CSMD3: variants seen among roughly 807,000 people sequenced by gnomAD.
CSMD3 encodes CUB and sushi domain-containing protein 3.
A neutral mutation model predicts 435.2 loss-of-function variants in CSMD3; 177 were observed. That is an observed-to-expected ratio of 0.41 (90% confidence interval 0.36 to 0.46). CSMD3 has a LOEUF of 0.46. Ranked by LOEUF, CSMD3 falls within the 20% of genes least tolerant of loss-of-function variation. The pLI is 0.34. For synonymous variants in CSMD3, 1,656 were observed against 1,520.5 expected (o/e 1.09, Z -2.07); for missense variants, 4,265 against 4,504.6 (o/e 0.95, Z 1.52).
chr8:112,444,377 G>A (rs1815367113), intron 32 of CSMD3, among the ~76,000 whole-genome samples: 1 of 152,160 alleles, frequency 6.6e-6, no homozygotes, highest in Non-Finnish European at 1.5e-5. Context: ...GAGAAATAAA[G>A]AGAAATGACA....
At chr8:112,492,139 G>C (rs1056912433) in intron 31 of CSMD3, among the ~76,000 whole-genome samples, 1 of 152,086 alleles carries the variant, frequency 6.6e-6, no homozygotes, top group Non-Finnish European at 1.5e-5. Flanking sequence ...GTTAGTTTCA[G>C]TGTGTTTGTT....
At chr8:112,434,299 T>A (rs928007294) in intron 32 of CSMD3, among the ~76,000 whole-genome samples, 1 of 152,166 alleles carries the variant, frequency 6.6e-6, no homozygotes, top group African/African-American at 2.4e-5. Flanking sequence ...AAGTTCATAA[T>A]CACATTTGTT....
At chr8:112,706,017 GAC>G (rs1478407366) in intron 13 of CSMD3, among the ~76,000 whole-genome samples, 1 of 151,984 alleles carries the variant, frequency 6.6e-6, no homozygotes, top group Non-Finnish European at 1.5e-5. Context: ...CTCAGTTTGG[GAC>G]TAGGTACTGT....
intron 22 of CSMD3, among the ~76,000 whole-genome samples, chr8:112,608,520 G>T (rs1385445269): frequency 1.3e-5 from 2 of 151,754 alleles, no homozygotes; most frequent in Non-Finnish European, 2.9e-5. Flanking sequence ...ATACTTCCTG[G>T]TTTCAAATTA....
chr8:112,996,008 A>G (rs565431854), intron 6 of CSMD3, among the ~76,000 whole-genome samples: 27 of 151,578 alleles, frequency 1.8e-4, no homozygotes, highest in African/African-American at 6.5e-4. Flanking sequence ...TTATATATTT[A>G]CTGTGTATAA....
At chr8:113,005,049 G>C (rs2131091727) in intron 6 of CSMD3, among the ~76,000 whole-genome samples, 1 of 151,754 alleles carries the variant, frequency 6.6e-6, no homozygotes, top group East Asian at 1.9e-4. Context: ...ATATATATGT[G>C]TCTGTATATA....
At chr8:112,712,389 C>CGT (rs1324218632) in intron 13 of CSMD3, among the ~76,000 whole-genome samples, 1 of 151,904 alleles carries the variant, frequency 6.6e-6, no homozygotes, top group Non-Finnish European at 1.5e-5. Context: ...ATCTTTTTAC[C>CGT]GTGTAAGTGG....
At chr8:113,406,643 G>C (rs780272576) in intron 1 of CSMD3, among the ~76,000 whole-genome samples, 1 of 151,956 alleles carries the variant, frequency 6.6e-6, no homozygotes, top group East Asian at 1.9e-4. Context: ...TAAAATGAGG[G>C]TGTGCAGAGA....
At chr8:113,215,307 T>C (rs536006317) in intron 3 of CSMD3, among the ~76,000 whole-genome samples, 1 of 151,992 alleles carries the variant, frequency 6.6e-6, no homozygotes, top group Non-Finnish European at 1.5e-5. Flanking sequence ...TTCTACTTAC[T>C]ACTTTCTTGT....
At chr8:112,290,704 A>C in intron 56 of CSMD3, among the ~76,000 whole-genome samples, 1 of 151,984 alleles carries the variant, frequency 6.6e-6, no homozygotes, top group South Asian at 2.1e-4. Flanking sequence ...AAAACCAAAA[A>C]TTATTTGCCA....
At chr8:112,997,359 A>ATTACT (rs1406961163) in intron 6 of CSMD3, among the ~76,000 whole-genome samples, 1 of 151,696 alleles carries the variant, frequency 6.6e-6, no homozygotes, top group Non-Finnish European at 1.5e-5. Context: ...TTTTAAAGTA[A>ATTACT]TTACTCATCT....
chr8:112,370,005 G>A lies in CSMD3; in HGVS notation c.6136+10347C>T, dbSNP rs796809110. 6.4e-3 allele frequency among the ~76,000 whole-genome samples: 408 copies of A among 63,980 alleles called. 8 individuals are homozygous for A. The highest frequency in any genetic ancestry group is 0.025 in the African/African-American group (365 of 14,484). The allele number at this position is 63,980 out of a possible 152,430, so 42.0% of individuals were successfully genotyped here. Reference sequence around the variant, plus strand: ...AGAAAGAGGAAGAGGAAGAAGAAGAGGAAGAGGAAGAAGAAGAGGAAGAAG... The same window carrying A: ...AGAAAGAGGAAGAGGAAGAAGAAGAAGAAGAGGAAGAAGAAGAGGAAGAAG... On this transcript the variant is annotated intron_variant, in intron 38 of 70. Coordinates refer to ENST00000297405, the MANE Select transcript of CSMD3 (RefSeq NM_198123.2).
At chr8:113,017,644 T>C (rs1274146876) in intron 6 of CSMD3, among the ~76,000 whole-genome samples, 3 of 151,868 alleles carry the variant, frequency 2.0e-5, no homozygotes, top group African/African-American at 7.2e-5. Flanking sequence ...AGCCACAGAG[T>C]TAGGTGGATG....
intron 9 of CSMD3, among the ~76,000 whole-genome samples, chr8:112,933,455 A>G (rs1453124006): frequency 1.3e-5 from 2 of 152,160 alleles, no homozygotes; most frequent in African/African-American, 2.4e-5. Context: ...ACATGGTCTT[A>G]TATTTGCTGT....
intron 1 of CSMD3, among the ~76,000 whole-genome samples, chr8:113,395,754 G>A (rs1219780584): frequency 6.6e-6 from 1 of 152,064 alleles, no homozygotes; most frequent in African/African-American, 2.4e-5. Context: ...TCTAATTACA[G>A]AGCCTTCTGC....
Position 112,296,010 on chromosome 8 carries a change from A to C in CSMD3, c.8441-4T>G, listed in dbSNP as rs1389786995. 6.2e-7 allele frequency: 1 copy of C among 1,607,762 alleles called. No homozygotes were observed. The highest frequency in any genetic ancestry group is 1.7e-5 in the Admixed American group (1 of 59,974). Reference sequence around the variant, plus strand: ...TCTGGAATTCCACAATGACCCGCTGAAATACGTTATAAAGTAATATTTTTA... The same window carrying C: ...TCTGGAATTCCACAATGACCCGCTGCAATACGTTATAAAGTAATATTTTTA... On this transcript the variant is annotated splice_polypyrimidine_tract_variant and splice_region_variant and intron_variant, in intron 53 of 70. Coordinates refer to ENST00000297405, the MANE Select transcript of CSMD3 (RefSeq NM_198123.2).
At position 112,645,330 on chromosome 8, in the gene CSMD3, T is replaced by C. The variant is rs1184686130; in HGVS notation, c.3194-105A>G. ...ATTGAGCAGTCGCATTATCTTTGCT[T>C]ATGCTACCTCCTAGTAATAACAGGT... On this transcript the variant is annotated intron_variant, in intron 19 of 70. Coordinates refer to ENST00000297405, the MANE Select transcript of CSMD3 (RefSeq NM_198123.2). The C allele has an allele frequency of 4.0e-6, 3 of 752,880 alleles. No individual in the cohort carries two copies. In the Admixed American group the frequency reaches 5.5e-5, roughly 14 times the overall value. 46.6% of individuals were successfully genotyped at this position (752,880 alleles called of 1,614,324 possible).
At chr8:112,589,374 T>A (rs1187348797) in intron 22 of CSMD3, among the ~76,000 whole-genome samples, 1 of 152,132 alleles carries the variant, frequency 6.6e-6, no homozygotes, top group East Asian at 1.9e-4. Flanking sequence ...CCAAGAGATG[T>A]GAATAAAGAA....
intron 32 of CSMD3, among the ~76,000 whole-genome samples, chr8:112,443,855 A>G (rs1815307092): frequency 6.6e-6 from 1 of 152,106 alleles, no homozygotes; most frequent in Admixed American, 6.6e-5. Context: ...AATTAATAGT[A>G]CTAATATTGC....
Sources: gnomAD v4.1 joint callset for allele counts (sites outside exome capture counted in the v4.1 genomes callset) on GRCh38, gnomAD v4.1.1 for gene constraint, MANE v1.5 for transcripts, NCBI Gene and HGNC (gene_info 2026-07-23, HGNC 2026-07-21) for gene names.